The following H6PD variants were observed in gnomAD, a reference collection of about 807,000 sequenced individuals.
The protein encoded by H6PD is hexose-6-phosphate dehydrogenase/glucose 1-dehydrogenase.
A neutral mutation model predicts 61.2 loss-of-function variants in H6PD; 48 were observed. That is an observed-to-expected ratio of 0.78 (90% confidence interval 0.62 to 1.00). The LOEUF (loss-of-function observed/expected upper bound fraction) is 1.00, where lower values mean the gene tolerates loss of function less well. H6PD is among the 50% of genes least tolerant of loss of function. The probability of loss-of-function intolerance (pLI) is 0.00; values close to 1 mark genes in which losing one functional copy is unlikely to be tolerated. For missense variants in H6PD, 1,093 were observed against 1,065.0 expected, an observed-to-expected ratio of 1.03 and a Z score of -0.37; for synonymous variants, 480 against 457.9, an observed-to-expected ratio of 1.05 and a Z score of -0.62.
chr1:9,266,130 A>T lies in H6PD; in HGVS notation c.*1261A>T, dbSNP rs1638552366. 6.6e-6 allele frequency: 1 copy of T among 152,284 alleles called. No individual in the cohort carries two copies. Among genetic ancestry groups the T allele is most frequent in the South Asian group, 2.1e-4 (1 of 4,838 alleles). The allele number at this position is 152,284 out of a possible 1,614,324, so 9.4% of individuals were successfully genotyped here. On this transcript the variant is annotated 3_prime_UTR_variant, in exon 5 of 5. Coordinates refer to ENST00000377403, the MANE Select transcript of H6PD (RefSeq NM_004285.4). Reference sequence around the variant, plus strand: ...GGAGAGAGATGGAGCATCGAGTGACACTGGGCCATCCAGGCGGCTCTGCTC... The same window carrying T: ...GGAGAGAGATGGAGCATCGAGTGACTCTGGGCCATCCAGGCGGCTCTGCTC...
intron 1 of H6PD, chr1:9,242,882 C>A (rs950301957): frequency 1.0e-6 from 1 of 985,274 alleles, no homozygotes; most frequent in Non-Finnish European, 1.2e-6. Context: ...TCTCTCCAGA[C>A]GAGCGATTGC....
rs552962335 is a variant in H6PD at position 9,240,444 on chromosome 1, G to A, written c.-10-4481G>A. On this transcript the variant is annotated intron_variant, in intron 1 of 4. Transcript: ENST00000377403. Reference sequence around the variant, plus strand: ...AATAGGGTGCGGATCACCTTTCCTCGGAAAACAGGACTTAGGGACACTAAA... The same window carrying A: ...AATAGGGTGCGGATCACCTTTCCTCAGAAAACAGGACTTAGGGACACTAAA... Among the ~76,000 whole-genome samples the A allele has an allele frequency of 1.4e-4, 22 of 152,142 alleles. No individual in the cohort carries two copies. The East Asian group carries it at 3.5e-3, about 24-fold the overall frequency.
chr1:9,259,128 A>G (rs1478990725), intron 3 of H6PD, among the ~76,000 whole-genome samples: 1 of 152,222 alleles, frequency 6.6e-6, no homozygotes, highest in East Asian at 1.9e-4. Flanking sequence ...AGTAGCTGGG[A>G]CTACAGGCGC....
At position 9,247,403 on chromosome 1, in the gene H6PD, G is replaced by A. The variant is rs561849602; in HGVS notation, c.745+320G>A. 4.6e-5 allele frequency among the ~76,000 whole-genome samples: 7 copies of A among 152,300 alleles called. No homozygotes were observed. In the East Asian group the frequency reaches 7.7e-4, roughly 17 times the overall value. On this transcript the variant is annotated intron_variant, in intron 3 of 4. Coordinates refer to ENST00000377403, the MANE Select transcript of H6PD (RefSeq NM_004285.4). ...AGTGCGTGGAGACCATGGGAACTGC[G>A]TGAGGGCTTCCCCGACTGTGGTGCT...
Position 9,245,960 on chromosome 1 carries a change from T to C in H6PD, c.627+399T>C, listed in dbSNP as rs529767629. Among the ~76,000 whole-genome samples, 12 of 151,958 alleles carry C rather than the reference T, an allele frequency of 7.9e-5. No homozygotes were observed. The highest frequency in any genetic ancestry group is 2.7e-4 in the African/African-American group (11 of 41,460). On this transcript the variant is annotated intron_variant, in intron 2 of 4. Transcript: ENST00000377403. This position sits in a 1 kb window ranked among gnomAD's most constrained non-coding sequence, Gnocchi z 4.8. ...CTGCACCCATCCACCTTTTTTTTTT[T>C]TTTAGACAGAGTCTGCTCTGTCACC...
intron 3 of H6PD, among the ~76,000 whole-genome samples, chr1:9,252,777 G>A (rs540537868): frequency 1.3e-5 from 2 of 152,306 alleles, no homozygotes; most frequent in South Asian, 4.1e-4. Context: ...GTTACTCTCT[G>A]TTATGAGTCT....
rs199892963 is a variant in H6PD at position 9,246,959 on chromosome 1, C to A, written c.628-7C>A. On this transcript the variant is annotated splice_region_variant and splice_polypyrimidine_tract_variant and intron_variant, in intron 2 of 4. Transcript: ENST00000377403. ...CTGCAGCACGCCCAGTCTTCCCCCC[C>A]CGACAGGCTGTGGCGCAGATCCTGC... 1.2e-4 allele frequency: 196 copies of A among 1,600,524 alleles called. No individual in the cohort carries two copies. Among genetic ancestry groups the A allele is most frequent in the South Asian group, 6.4e-4 (58 of 90,896 alleles).
At chr1:9,238,695 A>T (rs950123460) in intron 1 of H6PD, among the ~76,000 whole-genome samples, 1 of 152,326 alleles carries the variant, frequency 6.6e-6, no homozygotes, top group South Asian at 2.1e-4. Context: ...AAGTCTGGCA[A>T]ACATCCCACT....
intron 3 of H6PD, among the ~76,000 whole-genome samples, chr1:9,250,334 CAG>C (rs1641319072): frequency 6.6e-6 from 1 of 151,990 alleles, no homozygotes; most frequent in African/African-American, 2.4e-5. Context: ...GACTGCTAAT[CAG>C]AGGGGTCAAA....
chr1:9,242,899 A>C, intron 1 of H6PD: 1 of 985,466 alleles, frequency 1.0e-6, no homozygotes, highest in South Asian at 4.7e-5. Context: ...TTGCCGGTTG[A>C]GGAAAAAACG....
At chr1:9,240,415 G>A (rs1199727269) in intron 1 of H6PD, among the ~76,000 whole-genome samples, 1 of 152,086 alleles carries the variant, frequency 6.6e-6, no homozygotes, top group Non-Finnish European at 1.5e-5. Context: ...GGCAGTTCCC[G>A]GATAATAGGG....
chr1:9,245,802 CGTT>C lies in H6PD; in HGVS notation c.627+245_627+247del, dbSNP rs1047650894. On this transcript the variant is annotated intron_variant, in intron 2 of 4. Coordinates refer to ENST00000377403, the MANE Select transcript of H6PD (RefSeq NM_004285.4). The surrounding 1 kb of genome is among the most constrained non-coding windows in gnomAD (Gnocchi z 4.8). ...TTGTCCTTTGCAAAGCCCCCGTTCTCGTTGTTTCCCAGTCTGGGCTCTGGCTTC... is the reference window on the plus strand; with the variant it reads ...TTGTCCTTTGCAAAGCCCCCGTTCTCGTTTCCCAGTCTGGGCTCTGGCTTC... Among the ~76,000 whole-genome samples, 11 of 152,158 alleles carry C rather than the reference CGTT, an allele frequency of 7.2e-5. No individual in the cohort carries two copies. The highest frequency in any genetic ancestry group is 2.4e-4 in the African/African-American group (10 of 41,442).
Position 9,263,569 on chromosome 1 carries a change from G to A in H6PD, c.1076G>A (p.Gly359Asp), listed in dbSNP as rs387907167. ...WEGVPFILMS[G>D]KALDERVGYA... ...GGCGTGCCTTTCATCCTGATGTCTG[G>A]CAAAGCCTTGGACGAGAGAGTGGGC... Residue 359 changes from glycine to aspartate, a missense_variant, in exon 5 of 5, where the codon GGC (glycine) becomes GAC (aspartate). Transcript: ENST00000377403. The A allele has an allele frequency of 1.2e-5, 19 of 1,614,068 alleles. No individual in the cohort carries two copies. In the South Asian group the frequency reaches 1.9e-4, roughly 16 times the overall value.
In H6PD at chr1:9,262,159, T is replaced by A. The variant is rs756577161; in HGVS notation, c.846T>A (p.Asn282Lys). The change falls in exon 4 of 5, where the codon AAT (asparagine) becomes AAA (lysine). Residue 282 changes from asparagine (N) to lysine (K), a missense_variant. Transcript: ENST00000377403. The stretch of plus-strand genomic sequence containing the variant: ...TCGTGGCCATGGAGCTGCCCCACAA[T>A]GTCAGCAGTGCGGAGGCTGTGCTGC... ...LTLVAMELPH[N>K]VSSAEAVLRH... 1.9e-6 allele frequency: 3 copies of A among 1,614,192 alleles called. No individual in the cohort carries two copies. In the South Asian group the frequency reaches 3.3e-5, roughly 18 times the overall value.
Position 9,264,740 on chromosome 1 carries a change from G to A in H6PD, c.2247G>A (p.Arg749=). Residue 749 remains arginine, a synonymous_variant, in exon 5 of 5, where the codon AGG becomes AGA. Coordinates refer to ENST00000377403, the MANE Select transcript of H6PD (RefSeq NM_004285.4). ...AGGTGGCAGTCCTGGTCATGGGCAGGATGAAGCGTGAGATCACCACGCTGG... is the reference window on the plus strand; with the variant it reads ...AGGTGGCAGTCCTGGTCATGGGCAGAATGAAGCGTGAGATCACCACGCTGG... ...AKKVAVLVMG[R]MKREITTLVS... 1 of 1,613,270 alleles carries A rather than the reference G, an allele frequency of 6.2e-7. No individual in the cohort carries two copies. Among genetic ancestry groups the A allele is most frequent in the Non-Finnish European group, 8.5e-7 (1 of 1,180,010 alleles).
chr1:9,241,511 C>G (rs1334938339), intron 1 of H6PD, among the ~76,000 whole-genome samples: 1 of 152,160 alleles, frequency 6.6e-6, no homozygotes, highest in Admixed American at 6.5e-5. Flanking sequence ...TCAAGCAGTC[C>G]TCAGCCTCCT....
In H6PD at chr1:9,262,159, T is replaced by C. The variant is rs756577161; in HGVS notation, c.846T>C (p.Asn282=). The C allele has an allele frequency of 5.0e-6, 8 of 1,614,192 alleles. No homozygotes were observed. The highest frequency in any genetic ancestry group is 2.2e-5 in the South Asian group (2 of 91,086). ...TCGTGGCCATGGAGCTGCCCCACAA[T>C]GTCAGCAGTGCGGAGGCTGTGCTGC... ...LTLVAMELPH[N]VSSAEAVLRH... Residue 282 remains asparagine, a synonymous_variant, in exon 4 of 5, where the codon AAT becomes AAC. Coordinates refer to ENST00000377403, the MANE Select transcript of H6PD (RefSeq NM_004285.4).
At chr1:9,258,831 ATGT>A (rs1266803317) in intron 3 of H6PD, among the ~76,000 whole-genome samples, 4 of 149,754 alleles carry the variant, frequency 2.7e-5, no homozygotes, top group South Asian at 2.1e-4. Flanking sequence ...TGGTGTTGTT[ATGT>A]TGTTGTTATG....
intron 1 of H6PD, chr1:9,239,942 A>G: frequency 1.6e-6 from 2 of 1,216,660 alleles, no homozygotes; most frequent in Non-Finnish European, 1.0e-6. Context: ...TTGTGTGAGA[A>G]CAAAGGCCGG....
Sources: gnomAD v4.1 joint callset for allele counts (sites outside exome capture counted in the v4.1 genomes callset) on GRCh38, gnomAD v4.1.1 for gene constraint, Gnocchi (gnomAD v3.1) non-coding constraint, MANE v1.5 for transcripts, NCBI Gene and HGNC (gene_info 2026-07-23, HGNC 2026-07-21) for gene names.